HSF5: variants seen among roughly 807,000 people sequenced by gnomAD.
The protein encoded by HSF5 is heat shock factor protein 5.
HSF5 carries 5 observed loss-of-function variants against 50.8 expected under a neutral mutation model. The ratio of observed to expected loss-of-function variants is 0.10; its 90% CI spans 0.05 to 0.21. The LOEUF (loss-of-function observed/expected upper bound fraction) is 0.21, where lower values mean the gene tolerates loss of function less well. HSF5 is among the 10% of genes least tolerant of loss of function. The pLI, the probability that HSF5 is intolerant of heterozygous loss-of-function variation, is 1.00. For synonymous variants in HSF5, 307 were observed against 307.4 expected, an observed-to-expected ratio of 1.00 and a Z score of 0.02; for missense variants, 564 against 762.6, an observed-to-expected ratio of 0.74 and a Z score of 3.07.
intron 5 of HSF5, among the ~76,000 whole-genome samples, chr17:58,443,108 T>C (rs945223244): frequency 2.6e-5 from 4 of 151,938 alleles, no homozygotes; most frequent in Admixed American, 6.6e-5. Context: ...GGGGTTTCAC[T>C]GTGTTAGCCA....
intron 2 of HSF5, chr17:58,476,347 G>A (rs565520798): frequency 1.8e-6 from 2 of 1,103,670 alleles, no homozygotes; most frequent in Non-Finnish European, 2.8e-6. Context: ...TAACTCATCA[G>A]TACCTGCATC....
In HSF5 at chr17:58,475,707, C is replaced by T. The variant is rs560265748; in HGVS notation, c.925+4186G>A. On this transcript the variant is annotated intron_variant, in intron 2 of 5. Coordinates refer to ENST00000323777, the MANE Select transcript of HSF5 (RefSeq NM_001080439.3). ...TTTAACAAGAGAAAGTAGACAGATA[C>T]ATGTTGGTAAATGCTAAATGTTTTC... Among the ~76,000 whole-genome samples, 4 of 152,162 alleles carry T rather than the reference C, an allele frequency of 2.6e-5. No individual in the cohort carries two copies. The South Asian group carries it at 8.3e-4, about 32-fold the overall frequency.
At chr17:58,463,879 T>C (rs1974828007) in intron 3 of HSF5, among the ~76,000 whole-genome samples, 1 of 152,250 alleles carries the variant, frequency 6.6e-6, no homozygotes, top group Non-Finnish European at 1.5e-5. Context: ...CTTTTAGATT[T>C]ACATCTTTAA....
At position 58,422,064 on chromosome 17, in the gene HSF5, T is replaced by G; in HGVS notation, c.*296A>C. 3.4e-6 allele frequency: 1 copy of G among 293,838 alleles called. No individual in the cohort carries two copies. Among genetic ancestry groups the G allele is most frequent in the South Asian group, 4.8e-5 (1 of 21,038 alleles). The allele number at this position is 293,838 out of a possible 1,614,324, so 18.2% of individuals were successfully genotyped here. On this transcript the variant is annotated 3_prime_UTR_variant, in exon 6 of 6. Coordinates refer to ENST00000323777, the MANE Select transcript of HSF5 (RefSeq NM_001080439.3). ...TCTTAGTACCATAGATGGAGCAGTT[T>G]TTAGATGCTCCTTGACTATAACAGA...
rs372863320 is a variant in HSF5 at position 58,487,858 on chromosome 17, C to G, written c.417G>C (p.Ala139=). Residue 139 remains alanine, a synonymous_variant, in exon 1 of 6, where the codon GCG becomes GCC. Coordinates refer to ENST00000323777, the MANE Select transcript of HSF5 (RefSeq NM_001080439.3). ...RLTSANKAKL[A]AGLEVPCRPP... is the part of the protein sequence containing the mutation. ...GGCGGCAGGGCACCTCCAGGCCGGC[C>G]GCCAGCTTGGCCTTGTTGGCGCTGG... is the stretch of plus-strand genomic sequence containing the variant. 3.0e-4 allele frequency: 486 copies of G among 1,597,886 alleles called. No individual in the cohort carries two copies. The highest frequency in any genetic ancestry group is 4.0e-4 in the Non-Finnish European group (467 of 1,176,426).
chr17:58,444,595 G>T (rs2143752159), intron 5 of HSF5, among the ~76,000 whole-genome samples: 1 of 152,208 alleles, frequency 6.6e-6, no homozygotes, highest in African/African-American at 2.4e-5. Flanking sequence ...TAGGATTAAA[G>T]ACCTAAATGT....
At chr17:58,440,059 T>A (rs1974479666) in intron 5 of HSF5, among the ~76,000 whole-genome samples, 1 of 151,090 alleles carries the variant, frequency 6.6e-6, no homozygotes, top group Admixed American at 6.6e-5. Flanking sequence ...TGAAGACAAC[T>A]AAAAAACCTG....
chr17:58,451,394 T>C (rs1461450463), intron 5 of HSF5, among the ~76,000 whole-genome samples: 1 of 152,172 alleles, frequency 6.6e-6, no homozygotes, highest in African/African-American at 2.4e-5. Context: ...TATGTTCTTC[T>C]CAACAACATA....
intron 2 of HSF5, among the ~76,000 whole-genome samples, chr17:58,477,548 T>A (rs1975033594): frequency 2.0e-5 from 3 of 151,472 alleles, no homozygotes; most frequent in Admixed American, 1.3e-4. Context: ...CAAGTTCCGC[T>A]TCCTGGGTTC....
Position 58,439,634 on chromosome 17 carries a change from G to A in HSF5, c.1721-17204C>T, listed in dbSNP as rs367851953. ...TGAGTAGCTGGCATTACAAGCATGC[G>A]CCACCATGCCCAGCTAATTCTGTAT... On this transcript the variant is annotated intron_variant, in intron 5 of 5. Transcript: ENST00000323777. 2.1e-4 allele frequency among the ~76,000 whole-genome samples: 32 copies of A among 152,106 alleles called. No homozygotes were observed. The East Asian group carries it at 4.3e-3, about 20-fold the overall frequency.
chr17:58,448,928 T>C (rs1974598204), intron 5 of HSF5, among the ~76,000 whole-genome samples: 1 of 152,134 alleles, frequency 6.6e-6, no homozygotes, highest in African/African-American at 2.4e-5. Context: ...TGTTAAAAGA[T>C]AGGCAATATA....
intron 5 of HSF5, among the ~76,000 whole-genome samples, chr17:58,430,584 G>C (rs186361465): frequency 6.6e-6 from 1 of 152,128 alleles, no homozygotes; most frequent in Admixed American, 6.5e-5. Flanking sequence ...CAAAACTCTA[G>C]ACTCCCCAGC....
intron 5 of HSF5, among the ~76,000 whole-genome samples, chr17:58,456,645 G>A (rs892667551): frequency 5.9e-5 from 9 of 152,160 alleles, no homozygotes; most frequent in African/African-American, 1.9e-4. Flanking sequence ...ACATATACAT[G>A]TGTCAAAAAA....
chr17:58,463,373 AT>A, intron 3 of HSF5, 70 bp from the exon 4 acceptor site: 1 of 1,223,116 alleles, frequency 8.2e-7, no homozygotes, highest in Non-Finnish European at 1.2e-6. Flanking sequence ...AAGCTACAAT[AT>A]TTAGGCTGAT....
Position 58,422,283 on chromosome 17 carries a change from C to A in HSF5, c.*77G>T. 1 of 1,044,208 alleles carries A rather than the reference C, an allele frequency of 9.6e-7. No individual in the cohort carries two copies. Among genetic ancestry groups the A allele is most frequent in the South Asian group, 1.4e-5 (1 of 70,292 alleles). 64.7% of individuals were successfully genotyped at this position (1,044,208 alleles called of 1,614,324 possible). A position where few individuals can be genotyped will look rare whatever the true frequency, so the allele number is the denominator to read the frequency against. On this transcript the variant is annotated 3_prime_UTR_variant, in exon 6 of 6. Coordinates refer to ENST00000323777, the MANE Select transcript of HSF5 (RefSeq NM_001080439.3). ...TTTCCTTAACAGAACTGAAAAAATC[C>A]CAACAGTTTGTCATGTGCAAGGCTA...
In HSF5 at chr17:58,488,390, C is replaced by T; in HGVS notation, c.-116G>A. The T allele has an allele frequency of 1.5e-6, 2 of 1,306,560 alleles. No individual in the cohort carries two copies. Among genetic ancestry groups the T allele is most frequent in the Non-Finnish European group, 1.9e-6 (2 of 1,033,726 alleles). 80.9% of individuals were successfully genotyped at this position (1,306,560 alleles called of 1,614,324 possible). A position where few individuals can be genotyped will look rare whatever the true frequency, so the allele number is the denominator to read the frequency against. ...CCTGCCGGCGCCCATCCGCCGCGTA[C>T]CAGGGACCGTTGGCGCACGAGGCCC... On this transcript the variant is annotated 5_prime_UTR_variant, in exon 1 of 6. Transcript: ENST00000323777. This position sits in a 1 kb window ranked among gnomAD's most constrained non-coding sequence, Gnocchi z 4.1.
chr17:58,483,575 G>A (rs546326831), intron 1 of HSF5, among the ~76,000 whole-genome samples: 8 of 152,152 alleles, frequency 5.3e-5, no homozygotes, highest in Admixed American at 2.0e-4. Context: ...ATGGAAGTGC[G>A]TCTGAATTAA....
chr17:58,467,410 G>T (rs190543466), intron 2 of HSF5, among the ~76,000 whole-genome samples: 40 of 152,330 alleles, frequency 2.6e-4, no homozygotes, highest in Admixed American at 1.8e-3. Context: ...TTCTCCAAAT[G>T]TTCCACCATT....
In HSF5 at chr17:58,462,764, T is replaced by A; in HGVS notation, c.1542+18A>T. ...GGTACTTTGAGCTTTATAAGCATTTTTTTCTTTGCCCCCTTACCTGGTGTG... is the reference window on the plus strand; with the variant it reads ...GGTACTTTGAGCTTTATAAGCATTTATTTCTTTGCCCCCTTACCTGGTGTG... On this transcript the variant is annotated intron_variant, in intron 4 of 5. Transcript: ENST00000323777. The A allele has an allele frequency of 6.4e-7, 1 of 1,561,626 alleles. No individual in the cohort carries two copies. The highest frequency in any genetic ancestry group is 8.6e-7 in the Non-Finnish European group (1 of 1,158,116).
Sources: allele counts gnomAD v4.1 joint callset (sites outside exome capture counted in the v4.1 genomes callset), GRCh38; gene constraint gnomAD v4.1.1; non-coding constraint Gnocchi (gnomAD v3.1); transcripts MANE v1.5; gene names NCBI Gene and HGNC (gene_info 2026-07-23, HGNC 2026-07-21).